Variants in MYO9A observed in about 807,000 individuals in gnomAD.
The protein encoded by MYO9A is unconventional myosin-IXa.
MYO9A carries 103 observed loss-of-function variants against 293.3 expected under a neutral mutation model. The ratio of observed to expected loss-of-function variants is 0.35; its 90% confidence interval spans 0.30 to 0.41. The LOEUF (loss-of-function observed/expected upper bound fraction) is 0.41, where lower values mean the gene tolerates loss of function less well. MYO9A is among the 10% of genes least tolerant of loss of function. The pLI is 1.00. For synonymous variants in MYO9A, 1,001 were observed against 1,035.7 expected, an observed-to-expected ratio of 0.97 and a Z score of 0.64; for missense variants, 2,685 against 3,033.0, an observed-to-expected ratio of 0.89 and a Z score of 2.69.
At chr15:71,934,400 T>C (rs956064793) in intron 17 of MYO9A, among the ~76,000 whole-genome samples, 5 of 152,014 alleles carry the variant, frequency 3.3e-5, no homozygotes, top group Admixed American at 6.6e-5. Flanking sequence ...AACTTAAAAG[T>C]TGTTGTGAGG....
rs149663889 is a variant in MYO9A, at chr15:71,957,681, C to T, written c.2182+2220G>A. 1.6e-4 allele frequency among the ~76,000 whole-genome samples: 24 copies of T among 152,176 alleles called. 1 individual carries two copies. The East Asian group carries it at 4.6e-3, about 29-fold the overall frequency. On this transcript the variant is annotated intron_variant, in intron 14 of 41. Coordinates refer to ENST00000356056, the MANE Select transcript of MYO9A (RefSeq NM_006901.4). ...CAGAAGTACATCAGAGTTACATAGT[C>T]TATTGAGTGGGATGAAGAAGAGAAA...
Position 71,826,873 on chromosome 15 carries a change from G to C in MYO9A, c.7354C>G (p.Gln2452Glu), listed in dbSNP as rs766647520. The change falls in exon 42 of 42, where the codon CAG becomes GAG. Residue 2452 changes from glutamine (Q) to glutamate (E), a missense_variant. Around this residue, in one of 10 missense-constraint regions of MYO9A, gnomAD observed 350 missense variants for 328.9 expected, o/e 1.06. Transcript: ENST00000356056. ...ASSHGTRKLF[Q>E]IYSKSPFYRA... ...TAGAATGGAGATTTGGAATAAATCT[G>C]AAATAGTTTTCTGGTCCCATGAGAT... The C allele has an allele frequency of 1.9e-6, 3 of 1,614,018 alleles. 1 individual carries two copies. In the South Asian group the frequency reaches 3.3e-5, roughly 18 times the overall value.
At chr15:71,971,537 C>G (rs1023638492) in intron 12 of MYO9A, among the ~76,000 whole-genome samples, 3 of 151,358 alleles carry the variant, frequency 2.0e-5, no homozygotes, top group Non-Finnish European at 4.4e-5. Context: ...TAAGCCATAA[C>G]CGCACCACGG....
At chr15:72,093,659 G>GCAA (rs1214163237) in intron 1 of MYO9A, among the ~76,000 whole-genome samples, 59,872 of 121,520 alleles carry the variant, frequency 0.49, 19,907 homozygotes, top group Non-Finnish European at 0.72. Context: ...GGCTGAGATG[G>GCAA]GTGGATCACT....
At chr15:72,085,279 G>A (rs746287588) in intron 1 of MYO9A, among the ~76,000 whole-genome samples, 9 of 152,124 alleles carry the variant, frequency 5.9e-5, no homozygotes, top group East Asian at 1.9e-4. Flanking sequence ...TGTAGCCCCC[G>A]CTTTTCGGGA....
rs1567169896 is a variant in MYO9A at position 71,825,995 on chromosome 15, G to GTTTTGTTTTGTTTTTTTT, written c.*584_*585insAAAAAAAACAAAACAAAA. 1.1e-5 allele frequency: 1 copy of GTTTTGTTTTGTTTTTTTT among 91,526 alleles called. No homozygotes were observed. The highest frequency in any genetic ancestry group is 4.4e-5 in the African/African-American group (1 of 22,704). 5.7% of individuals were successfully genotyped at this position (91,526 alleles called of 1,614,324 possible). ...ATGGAAACAATCACGGTTTTTTTTTGTTTTTTTTTTTTTGTTTTTTTTTTT... is the reference window on the plus strand; with the variant it reads ...ATGGAAACAATCACGGTTTTTTTTTGTTTTGTTTTGTTTTTTTTTTTTTTTTTTTTTGTTTTTTTTTTT... On this transcript the variant is annotated 3_prime_UTR_variant, in exon 42 of 42. Coordinates refer to ENST00000356056, the MANE Select transcript of MYO9A (RefSeq NM_006901.4).
At chr15:72,000,887 T>C (rs1389461368) in intron 8 of MYO9A, among the ~76,000 whole-genome samples, 1 of 152,332 alleles carries the variant, frequency 6.6e-6, no homozygotes. Context: ...CTCCTCTTTG[T>C]AGGCATTTAC....
intron 1 of MYO9A, among the ~76,000 whole-genome samples, chr15:72,101,547 C>A: frequency 7.8e-6 from 1 of 127,670 alleles, no homozygotes; most frequent in Non-Finnish European, 1.7e-5. Context: ...CCAGCCGCCC[C>A]GTCCGGGAGG....
chr15:71,903,333 G>A (rs907839631), intron 21 of MYO9A, among the ~76,000 whole-genome samples: 1 of 151,898 alleles, frequency 6.6e-6, no homozygotes, highest in African/African-American at 2.4e-5. Flanking sequence ...CTTTATAAAA[G>A]ACCAAAGAAA....
At chr15:71,872,630 GGATAT>G (rs927810896) in intron 32 of MYO9A, among the ~76,000 whole-genome samples, 1 of 151,928 alleles carries the variant, frequency 6.6e-6, no homozygotes, top group African/African-American at 2.4e-5. Context: ...TATTCTGAAT[GGATAT>G]AATATAAACC....
intron 39 of MYO9A, among the ~76,000 whole-genome samples, chr15:71,845,101 T>A (rs2055325634): frequency 1.3e-5 from 2 of 152,212 alleles, no homozygotes; most frequent in African/African-American, 4.8e-5. Context: ...GTCACAAAAA[T>A]AGGAAGGAAC....
intron 3 of MYO9A, among the ~76,000 whole-genome samples, chr15:72,029,127 A>C (rs2077780254): frequency 6.6e-6 from 1 of 152,248 alleles, no homozygotes; most frequent in African/African-American, 2.4e-5. Context: ...TTCATTACAT[A>C]TATCTGGTGA....
chr15:71,927,810 G>A (rs1162926459), intron 18 of MYO9A, among the ~76,000 whole-genome samples: 3 of 150,542 alleles, frequency 2.0e-5, no homozygotes, highest in African/African-American at 7.3e-5. Context: ...GGTGAGATAT[G>A]GTCCCAATTT....
intron 8 of MYO9A, among the ~76,000 whole-genome samples, chr15:72,003,127 G>A (rs1432655220): frequency 6.6e-6 from 1 of 151,640 alleles, no homozygotes; most frequent in Non-Finnish European, 1.5e-5. Context: ...AAATTAGCCG[G>A]GTGTGGTGGT....
chr15:71,904,876 C>CA, intron 20 of MYO9A, 50 bp downstream of exon 20: 1 of 1,358,644 alleles, frequency 7.4e-7, no homozygotes, highest in Non-Finnish European at 1.0e-6. Flanking sequence ...ATTTAAAGCT[C>CA]AGTTTGAAGT....
intron 14 of MYO9A, among the ~76,000 whole-genome samples, chr15:71,958,089 A>G (rs1027168849): frequency 6.6e-6 from 1 of 152,182 alleles, no homozygotes; most frequent in Non-Finnish European, 1.5e-5. Context: ...GTAATTCTGC[A>G]GATTTCATCT....
In MYO9A at chr15:71,970,356, C is replaced by T. The variant is rs367943479; in HGVS notation, c.1845-2231G>A. 3.9e-5 allele frequency among the ~76,000 whole-genome samples: 6 copies of T among 152,266 alleles called. No individual in the cohort carries two copies. The East Asian group carries it at 7.7e-4, about 20-fold the overall frequency. ...CAGCCATTAAGTAGGAAAGGCTAAA[C>T]CAAGACCTCTGATTCTAAACCCATA... On this transcript the variant is annotated intron_variant, in intron 12 of 41. Coordinates refer to ENST00000356056, the MANE Select transcript of MYO9A (RefSeq NM_006901.4).
rs368361593 is a variant in MYO9A at position 72,078,698 on chromosome 15, CTTTA to C, written c.-71-32068_-71-32065del. Among the ~76,000 whole-genome samples the C allele has an allele frequency of 2.6e-4, 40 of 152,192 alleles. No homozygotes were observed. In the East Asian group the frequency reaches 7.3e-3, roughly 28 times the overall value. On this transcript the variant is annotated intron_variant, in intron 1 of 41. Transcript: ENST00000356056. ...ACCTGCACATGGATGTTTACGGTAG[CTTTA>C]TTTATGATTGTCAGAAATTGAAAGC... is the stretch of plus-strand genomic sequence containing the variant.
chr15:71,871,840 A>G (rs2056524293), intron 32 of MYO9A, among the ~76,000 whole-genome samples: 1 of 151,844 alleles, frequency 6.6e-6, no homozygotes, highest in Non-Finnish European at 1.5e-5. Context: ...ACAAAGTAAC[A>G]ACATAATTCC....
Sources: allele counts gnomAD v4.1 joint callset (sites outside exome capture counted in the v4.1 genomes callset), GRCh38; gene constraint gnomAD v4.1.1; regional missense constraint gnomAD v4.1.1; transcripts MANE v1.5; gene names NCBI Gene and HGNC (gene_info 2026-07-23, HGNC 2026-07-21).